Variants in DNAI3 observed in about 807,000 individuals in gnomAD.
DNAI3 encodes dynein axonemal intermediate chain 3.
A neutral mutation model predicts 115.5 loss-of-function variants in DNAI3; 83 were observed. The observed-to-expected ratio is 0.72, with a 90% confidence interval of 0.60 to 0.86. The LOEUF (loss-of-function observed/expected upper bound fraction) is 0.86. Among genes scored for constraint, DNAI3 ranks in the 40% least tolerant of loss-of-function variants. The probability of loss-of-function intolerance (pLI) is 0.00; values close to 1 mark genes in which losing one functional copy is unlikely to be tolerated. For synonymous variants in DNAI3, 320 were observed against 347.0 expected, an observed-to-expected ratio of 0.92 and a Z score of 0.86; for missense variants, 1,004 against 1,075.8, an observed-to-expected ratio of 0.93 and a Z score of 0.93.
Position 85,090,152 on chromosome 1 carries a change from A to G in DNAI3, c.777A>G (p.Pro259=). Residue 259 remains proline, a synonymous_variant, in exon 8 of 23, where the codon CCA becomes CCG. Transcript: ENST00000294664. ...AAAATGCTACTACGCAATATTATCC[A>G]AGAGAATTCTCAGAAGAGGAAAAAG... is the stretch of plus-strand genomic sequence containing the variant. ...YPKNATTQYY[P]REFSEEEKET... The G allele has an allele frequency of 1.3e-6, 2 of 1,588,954 alleles. No homozygotes were observed. The highest frequency in any genetic ancestry group is 1.4e-5 in the African/African-American group (1 of 73,986).
intron 16 of DNAI3, among the ~76,000 whole-genome samples, chr1:85,116,092 T>C (rs1655809170): frequency 6.6e-6 from 1 of 152,248 alleles, no homozygotes; most frequent in African/African-American, 2.4e-5. Flanking sequence ...TGCTGCCATC[T>C]ACTCATGAAT....
Position 85,081,289 on chromosome 1 carries a change from C to G in DNAI3, c.159C>G (p.Asn53Lys). ...VLTTKTQEIF[N>K]CRIDEDVTDE... ...CCACCAAGACCCAAGAAATATTTAACTGCCGAATAGATGAAGATGTCACAG... is the reference window on the plus strand; with the variant it reads ...CCACCAAGACCCAAGAAATATTTAAGTGCCGAATAGATGAAGATGTCACAG... Residue 53 changes from asparagine to lysine, a missense_variant, in exon 4 of 23, where the codon AAC (asparagine) becomes AAG (lysine). Physicochemically the swap from Asn to Lys is moderately conservative, Grantham distance 94. Around this residue, in one of 3 missense-constraint regions of DNAI3, gnomAD observed 550 missense variants for 568.1 expected, o/e 0.97. Transcript: ENST00000294664. The G allele has an allele frequency of 6.2e-7, 1 of 1,602,614 alleles. No individual in the cohort carries two copies. Among genetic ancestry groups the G allele is most frequent in the Non-Finnish European group, 8.5e-7 (1 of 1,176,416 alleles).
chr1:85,097,325 T>G (rs1400729839), intron 11 of DNAI3, among the ~76,000 whole-genome samples: 1 of 152,226 alleles, frequency 6.6e-6, no homozygotes, highest in Non-Finnish European at 1.5e-5. Flanking sequence ...TTTGGATTTT[T>G]TAAAAATACT....
At chr1:85,090,483 T>C (rs1049124703) in intron 8 of DNAI3, among the ~76,000 whole-genome samples, 1 of 152,232 alleles carries the variant, frequency 6.6e-6, no homozygotes, top group Non-Finnish European at 1.5e-5. Flanking sequence ...GTTTTCCTAA[T>C]TGCAGATTAA....
chr1:85,063,726 G>A (rs534478220), intron 1 of DNAI3, among the ~76,000 whole-genome samples: 8 of 152,202 alleles, frequency 5.3e-5, no homozygotes, highest in Non-Finnish European at 1.2e-4. Flanking sequence ...GATAAGAGAT[G>A]CATTTTTGGA....
intron 22 of DNAI3, among the ~76,000 whole-genome samples, chr1:85,132,289 A>G (rs1195531292): frequency 3.3e-5 from 5 of 152,264 alleles, no homozygotes; most frequent in Non-Finnish European, 7.3e-5. Context: ...AGTGCTCACC[A>G]GGTGCCAGGT....
At chr1:85,091,535 C>A (rs1311222918) in intron 8 of DNAI3, among the ~76,000 whole-genome samples, 1 of 152,186 alleles carries the variant, frequency 6.6e-6, no homozygotes, top group Non-Finnish European at 1.5e-5. Flanking sequence ...TAACTTCCAG[C>A]TTTAAAACTG....
At chr1:85,126,766 C>T (rs758553844) in intron 20 of DNAI3, 51 bp downstream of exon 20, 1 of 1,593,344 alleles carries the variant, frequency 6.3e-7, no homozygotes. Context: ...AACTCGGGAA[C>T]ATCTTGACAT....
At position 85,097,598 on chromosome 1, in the gene DNAI3, A is replaced by G; in HGVS notation, c.1293A>G (p.Ala431=). 6.2e-7 allele frequency: 1 copy of G among 1,613,274 alleles called. No individual in the cohort carries two copies. Among genetic ancestry groups the G allele is most frequent in the South Asian group, 1.1e-5 (1 of 90,834 alleles). ...QIVMWDITAH[A]DRIENIKAGG... is the part of the protein sequence containing the mutation. ...TCATGTGGGATATCACCGCACATGCAGATCGCATAGAAAACATTAAGGCAG... is the reference window on the plus strand; with the variant it reads ...TCATGTGGGATATCACCGCACATGCGGATCGCATAGAAAACATTAAGGCAG... The change falls in exon 12 of 23, where the codon GCA becomes GCG. Residue 431 remains alanine, a synonymous_variant. Coordinates refer to ENST00000294664, the MANE Select transcript of DNAI3 (RefSeq NM_145172.5).
intron 13 of DNAI3, among the ~76,000 whole-genome samples, chr1:85,102,603 C>G (rs1030654963): frequency 6.6e-6 from 1 of 151,946 alleles, no homozygotes; most frequent in African/African-American, 2.4e-5. Context: ...GTGGTGAAAC[C>G]AGAACACATT....
chr1:85,126,447 G>T, intron 19 of DNAI3, 64 bp from the exon 20 acceptor site: 2 of 1,502,822 alleles, frequency 1.3e-6, no homozygotes, highest in South Asian at 1.3e-5. Flanking sequence ...TGAACAGCAT[G>T]GTGAATTTCC....
intron 8 of DNAI3, among the ~76,000 whole-genome samples, chr1:85,091,084 C>T (rs1294560416): frequency 3.3e-5 from 5 of 152,076 alleles, no homozygotes; most frequent in Non-Finnish European, 7.3e-5. Flanking sequence ...GTTAATGATT[C>T]AGAGAGAACA....
At chr1:85,084,883 A>C (rs1324827236) in intron 6 of DNAI3, among the ~76,000 whole-genome samples, 188 bp downstream of exon 6, 1 of 152,110 alleles carries the variant, frequency 6.6e-6, no homozygotes, top group Non-Finnish European at 1.5e-5. Flanking sequence ...TTTGTCTCCA[A>C]AAAATGGTAT....
At chr1:85,094,632 C>T in intron 10 of DNAI3, 77 bp downstream of exon 10, 6 of 1,497,986 alleles carry the variant, frequency 4.0e-6, no homozygotes. Flanking sequence ...GTTTTTATTG[C>T]AAAGTACTTT....
chr1:85,111,280 TA>T (rs1254872273), intron 16 of DNAI3, among the ~76,000 whole-genome samples: 1 of 152,218 alleles, frequency 6.6e-6, no homozygotes, highest in East Asian at 1.9e-4. Context: ...AAAGCATTAT[TA>T]AAACATTGCA....
Position 85,090,655 on chromosome 1 carries a change from A to G in DNAI3, c.857+423A>G, listed in dbSNP as rs1262947005. ...CTTTGTAGATGAGAACCTGAATTTA[A>G]TTCAAATGTCTTTTTGGACATTTCA... On this transcript the variant is annotated intron_variant, in intron 8 of 22. Coordinates refer to ENST00000294664, the MANE Select transcript of DNAI3 (RefSeq NM_145172.5). Among the ~76,000 whole-genome samples, 8 of 152,216 alleles carry G rather than the reference A, an allele frequency of 5.3e-5. 1 individual carries two copies. Among genetic ancestry groups the G allele is most frequent in the African/African-American group, 1.9e-4 (8 of 41,452 alleles).
chr1:85,128,809 T>G lies in DNAI3; in HGVS notation c.2409+10T>G. On this transcript the variant is annotated intron_variant, in intron 21 of 22. Coordinates refer to ENST00000294664, the MANE Select transcript of DNAI3 (RefSeq NM_145172.5). ...CCCTTCCACCAATGAGGTTAGTAAC[T>G]AACTTATGACTTTGAGAATTAATGT... The G allele has an allele frequency of 1.9e-6, 3 of 1,603,752 alleles. No individual in the cohort carries two copies. The highest frequency in any genetic ancestry group is 1.7e-6 in the Non-Finnish European group (2 of 1,172,544).
At chr1:85,128,158 A>AAGG (rs55861314) in intron 20 of DNAI3, among the ~76,000 whole-genome samples, 19,344 of 125,590 alleles carry the variant, frequency 0.15, 1,771 homozygotes, top group Non-Finnish European at 0.19. Flanking sequence ...AAAGAAGAAG[A>AAGG]AGAAGGAGAA....
intron 16 of DNAI3, among the ~76,000 whole-genome samples, chr1:85,117,095 T>A (rs935432482): frequency 6.6e-6 from 1 of 152,172 alleles, no homozygotes; most frequent in Non-Finnish European, 1.5e-5. Context: ...GAGGAGGGTT[T>A]TATGAGCATA....
Sources: gnomAD v4.1 joint callset for allele counts (sites outside exome capture counted in the v4.1 genomes callset) on GRCh38, gnomAD v4.1.1 for gene constraint, gnomAD v4.1.1 regional missense constraint, MANE v1.5 for transcripts, NCBI Gene and HGNC (gene_info 2026-07-23, HGNC 2026-07-21) for gene names.